The following IL1RL2 variants were observed in gnomAD, a reference collection of about 807,000 sequenced individuals.
IL1RL2 encodes interleukin 1 receptor like 2.
IL1RL2 carries 68 observed loss-of-function variants against 66.8 expected under a neutral mutation model. The ratio of observed to expected loss-of-function variants is 1.02; its 90% confidence interval spans 0.84 to 1.25. The LOEUF (loss-of-function observed/expected upper bound fraction) is 1.25. IL1RL2 is among the 50% of genes most tolerant of loss of function. The probability of loss-of-function intolerance (pLI) is 0.00; values close to 1 mark genes in which losing one functional copy is unlikely to be tolerated. For synonymous variants in IL1RL2, 305 were observed against 264.6 expected, an observed-to-expected ratio of 1.15 and a Z score of -1.48; for missense variants, 729 against 709.3, an observed-to-expected ratio of 1.03 and a Z score of -0.32.
At chr2:102,235,786 G>A (rs548894175) in intron 11 of IL1RL2, 29 of 985,388 alleles carry the variant, frequency 2.9e-5, no homozygotes, top group East Asian at 2.3e-4. Flanking sequence ...CTGTGTCTGC[G>A]TCTCTCTCAC....
chr2:102,215,561 T>A (rs2104816409), intron 6 of IL1RL2, among the ~76,000 whole-genome samples: 1 of 152,110 alleles, frequency 6.6e-6, no homozygotes, highest in East Asian at 1.9e-4. Flanking sequence ...AGGGTGTACA[T>A]ACTCACCCTC....
At chr2:102,237,026 G>A (rs1166957793) in intron 11 of IL1RL2, among the ~76,000 whole-genome samples, 4 of 152,120 alleles carry the variant, frequency 2.6e-5, no homozygotes, top group Non-Finnish European at 5.9e-5. Context: ...TGACAGCCTC[G>A]ACTGATGTCC....
rs778995447 is a variant in IL1RL2 at position 102,239,224 on chromosome 2, A to T, written c.1711A>T (p.Thr571Ser). 6.2e-7 allele frequency: 1 copy of T among 1,613,984 alleles called. No homozygotes were observed. The highest frequency in any genetic ancestry group is 1.3e-5 in the African/African-American group (1 of 75,026). ...ACTAGGCTCAAGAAGAAAGAAGTGT[A>T]CTCTCACGACTGGCTAAGACTTGCT... ...PELGSRRKKC[T>S]LTTG The change falls in exon 12 of 12, where the codon ACT becomes TCT. Residue 571 changes from threonine to serine, a missense_variant. Transcript: ENST00000264257.
At position 102,235,297 on chromosome 2, in the gene IL1RL2, C is replaced by A. The variant is rs370538529; in HGVS notation, c.1678+20C>A. 2.7e-5 allele frequency: 44 copies of A among 1,605,064 alleles called. No homozygotes were observed. Among genetic ancestry groups the A allele is most frequent in the Non-Finnish European group, 3.4e-5 (40 of 1,175,632 alleles). On this transcript the variant is annotated intron_variant, in intron 11 of 11. Transcript: ENST00000264257. ...CCGCAGGTGAGCGGGTGGGAGGACA[C>A]GAGGTTTGTCACGCACTGATGGAGG... is the stretch of plus-strand genomic sequence containing the variant.
intron 6 of IL1RL2, among the ~76,000 whole-genome samples, chr2:102,213,364 T>C (rs1286751836): frequency 6.6e-6 from 1 of 152,184 alleles, no homozygotes; most frequent in Admixed American, 6.5e-5. Flanking sequence ...TGTAAAAATT[T>C]ATATCTAAAC....
Position 102,189,276 on chromosome 2 carries a change from T to G in IL1RL2, c.259T>G (p.Trp87Gly). 6.2e-7 allele frequency: 1 copy of G among 1,613,312 alleles called. No homozygotes were observed. Among genetic ancestry groups the G allele is most frequent in the Non-Finnish European group, 8.5e-7 (1 of 1,179,622 alleles). ...TTGGATTTTGTTTCTCCCCATGGAATGGGGGGACTCAGGAGTCTACCAATG... is the reference window on the plus strand; with the variant it reads ...TTGGATTTTGTTTCTCCCCATGGAAGGGGGGGACTCAGGAGTCTACCAATG... ...ETWILFLPMEWGDSGVYQCVI... is the reference protein window; with the variant it reads ...ETWILFLPMEGGDSGVYQCVI... Residue 87 changes from tryptophan to glycine, a missense_variant, in exon 3 of 12, where the codon TGG (tryptophan) becomes GGG (glycine). Transcript: ENST00000264257.
At chr2:102,226,724 G>A (rs34501930) in intron 9 of IL1RL2, among the ~76,000 whole-genome samples, 606 of 152,072 alleles carry the variant, frequency 4.0e-3, no homozygotes, top group African/African-American at 0.014. Context: ...AGGGAGTTTC[G>A]TAGAAAAGAA....
At chr2:102,200,397 A>G (rs1393017231) in intron 4 of IL1RL2, among the ~76,000 whole-genome samples, 1 of 152,150 alleles carries the variant, frequency 6.6e-6, no homozygotes, top group Non-Finnish European at 1.5e-5. Flanking sequence ...ATGCTGTTCC[A>G]GGGGTGGAGA....
chr2:102,188,124 A>G (rs1332594152), intron 2 of IL1RL2, among the ~76,000 whole-genome samples, 199 bp downstream of exon 2: 1 of 152,140 alleles, frequency 6.6e-6, no homozygotes, highest in Non-Finnish European at 1.5e-5. Context: ...GTCGCCTTTG[A>G]GCTTGGAGGT....
chr2:102,218,447 G>A (rs892843654), intron 6 of IL1RL2, among the ~76,000 whole-genome samples: 2 of 152,106 alleles, frequency 1.3e-5, no homozygotes, highest in Non-Finnish European at 2.9e-5. Flanking sequence ...GTTACATTTG[G>A]TGAAGCAGAA....
chr2:102,220,125 A>G (rs34364927), intron 8 of IL1RL2, 108 bp downstream of exon 8: 16,438 of 981,584 alleles, frequency 0.017, 516 homozygotes, highest in African/African-American at 0.11. Context: ...CATGAGGGTG[A>G]TATTAAAGGG....
downstream of IL1RL2, among the ~76,000 whole-genome samples, chr2:102,241,107 G>A (rs1387539692): frequency 6.6e-6 from 1 of 152,246 alleles, no homozygotes; most frequent in Admixed American, 6.5e-5. Flanking sequence ...TTACAGGTGG[G>A]CGGGCATCCC....
intron 5 of IL1RL2, among the ~76,000 whole-genome samples, chr2:102,209,492 C>G (rs1243202756): frequency 1.4e-5 from 2 of 142,030 alleles, no homozygotes; most frequent in Non-Finnish European, 3.0e-5. Flanking sequence ...ACAGAGGGAA[C>G]AGTATAGGAC....
At chr2:102,230,584 G>A (rs761620134) in intron 9 of IL1RL2, among the ~76,000 whole-genome samples, 25 of 152,298 alleles carry the variant, frequency 1.6e-4, no homozygotes, top group East Asian at 1.2e-3. Flanking sequence ...CCTCCTCTGC[G>A]CCCGGTCCTG....
At chr2:102,191,282 T>G (rs1292110986) in intron 3 of IL1RL2, among the ~76,000 whole-genome samples, 1 of 152,212 alleles carries the variant, frequency 6.6e-6, no homozygotes, top group Non-Finnish European at 1.5e-5. Flanking sequence ...TCAATGTATA[T>G]TTATTTATTT....
intron 5 of IL1RL2, among the ~76,000 whole-genome samples, chr2:102,209,007 C>A (rs748684744): frequency 1.3e-5 from 2 of 152,146 alleles, no homozygotes; most frequent in Non-Finnish European, 2.9e-5. Flanking sequence ...AGGCACAGAT[C>A]TATTTATTAA....
chr2:102,241,312 G>A (rs1246250562), downstream of IL1RL2, among the ~76,000 whole-genome samples: 1 of 152,244 alleles, frequency 6.6e-6, no homozygotes, highest in Non-Finnish European at 1.5e-5. Context: ...GTGCTCGCAA[G>A]AGGGGACTGC....
intron 2 of IL1RL2, among the ~76,000 whole-genome samples, chr2:102,188,250 G>GT (rs1686878538): frequency 6.6e-6 from 1 of 152,132 alleles, no homozygotes; most frequent in South Asian, 2.1e-4. Flanking sequence ...ATGACACAAG[G>GT]TGAAAGCAAG....
rs757818185 is a variant in IL1RL2, at chr2:102,235,019, A to G, written c.1420A>G (p.Ser474Gly). ...NLSEEQIAVYSALIQDGMKVI... is the reference protein window; with the variant it reads ...NLSEEQIAVYGALIQDGMKVI... Reference sequence around the variant, plus strand: ...GTCAGAAGAACAAATCGCGGTCTACAGTGCCCTGATCCAGGACGGGATGAA... The same window carrying G: ...GTCAGAAGAACAAATCGCGGTCTACGGTGCCCTGATCCAGGACGGGATGAA... The change falls in exon 11 of 12, where the codon AGT (serine) becomes GGT (glycine). Residue 474 changes from serine to glycine, a missense_variant. Ser to Gly is a moderately conservative substitution (Grantham distance 56, BLOSUM62 0). Coordinates refer to ENST00000264257, the MANE Select transcript of IL1RL2 (RefSeq NM_003854.4). The G allele has an allele frequency of 2.9e-5, 47 of 1,614,200 alleles. 1 individual carries two copies. In the Admixed American group the frequency reaches 7.7e-4, roughly 26 times the overall value.
Sources: allele counts gnomAD v4.1 joint callset (sites outside exome capture counted in the v4.1 genomes callset), GRCh38; gene constraint gnomAD v4.1.1; transcripts MANE v1.5; gene names NCBI Gene and HGNC (gene_info 2026-07-23, HGNC 2026-07-21).